The following RUFY1 variants were observed in gnomAD, a reference collection of about 807,000 sequenced individuals.
RUFY1 encodes RUN and FYVE domain containing 1.
Under a neutral mutation model 94.6 loss-of-function variants are expected in RUFY1, and 54 were observed. The observed-to-expected ratio is 0.57, with a 90% confidence interval of 0.46 to 0.72. The LOEUF is 0.72. Among genes scored for constraint, RUFY1 ranks in the 30% least tolerant of loss-of-function variants. RUFY1 has a pLI of 0.00. For synonymous variants in RUFY1, 396 were observed against 347.3 expected (o/e 1.14, Z -1.56); for missense variants, 883 against 883.9 (o/e 1.00, Z 0.01).
chr5:179,601,471 CT>C (rs1766381810), intron 14 of RUFY1, among the ~76,000 whole-genome samples: 1 of 151,860 alleles, frequency 6.6e-6, no homozygotes, highest in Non-Finnish European at 1.5e-5. Context: ...GCCTGGCCAC[CT>C]TTTGCTCTTG....
At chr5:179,605,278 CA>C (rs35410796) in intron 15 of RUFY1, among the ~76,000 whole-genome samples, 2,604 of 130,592 alleles carry the variant, frequency 0.02, 48 homozygotes, top group African/African-American at 0.05. Flanking sequence ...GATCCTGTCT[CA>C]AAAAAAAAAA....
At chr5:179,607,524 A>G in intron 16 of RUFY1, 58 bp from the exon 17 acceptor site, 2 of 1,422,726 alleles carry the variant, frequency 1.4e-6, no homozygotes, top group Non-Finnish European at 2.0e-6. Context: ...GAACGCAGCT[A>G]CCCACTCATC....
chr5:179,561,678 C>CTTTTTTTTTTT (rs71001004), intron 2 of RUFY1, among the ~76,000 whole-genome samples: 3 of 64,606 alleles, frequency 4.6e-5, no homozygotes, highest in Non-Finnish European at 2.8e-5. Context: ...TTTTTTCTTT[C>CTTTTTTTTTTT]TTTTTTTTTT....
Position 179,609,552 on chromosome 5 carries a change from A to C in RUFY1, c.*33A>C. 6.4e-7 allele frequency: 1 copy of C among 1,561,768 alleles called. No homozygotes were observed. The highest frequency in any genetic ancestry group is 8.6e-7 in the Non-Finnish European group (1 of 1,157,540). On this transcript the variant is annotated 3_prime_UTR_variant, in exon 18 of 18. Transcript: ENST00000319449. ...TCCTCAGGAGCACAGCCTCACGGAC[A>C]GTGCCAAACCCTGTGGGTCTCCAGG... is the stretch of plus-strand genomic sequence containing the variant.
chr5:179,575,576 G>A (rs1456926815), intron 5 of RUFY1, among the ~76,000 whole-genome samples: 1 of 152,094 alleles, frequency 6.6e-6, no homozygotes, highest in East Asian at 1.9e-4. Flanking sequence ...CATTTCTACT[G>A]CATTTTACTC....
chr5:179,577,021 A>C lies in RUFY1; in HGVS notation c.829-54A>C, dbSNP rs1320134098. The C allele has an allele frequency of 9.1e-6, 11 of 1,208,678 alleles. No homozygotes were observed. In the Admixed American group the frequency reaches 1.9e-4, roughly 21 times the overall value. The allele number at this position is 1,208,678 out of a possible 1,614,324, so 74.9% of individuals were successfully genotyped here. A position where few individuals can be genotyped will look rare whatever the true frequency, so the allele number is the denominator to read the frequency against. ...AATACCTGAATTTCAAAGGTTGTAA[A>C]GTTTATGAAAAATAGGACATTTTAT... On this transcript the variant is annotated intron_variant, in intron 5 of 17. Coordinates refer to ENST00000319449, the MANE Select transcript of RUFY1 (RefSeq NM_025158.5).
intron 15 of RUFY1, 97 bp downstream of exon 15, chr5:179,602,083 G>C (rs1766492600): frequency 9.9e-7 from 1 of 1,007,036 alleles, no homozygotes; most frequent in Non-Finnish European, 1.5e-6. Context: ...GCGAACGGAG[G>C]GTGGGCCATT....
intron 7 of RUFY1, 41 bp downstream of exon 7, chr5:179,581,053 G>A (rs779278347): frequency 3.2e-6 from 4 of 1,245,108 alleles, no homozygotes; most frequent in African/African-American, 1.5e-5. Flanking sequence ...TTACATACTC[G>A]GTATCCTGTC....
Position 179,592,616 on chromosome 5 carries a change from C to T in RUFY1, c.1246-862C>T, listed in dbSNP as rs1765211933. 2.0e-5 allele frequency among the ~76,000 whole-genome samples: 3 copies of T among 152,194 alleles called. No individual in the cohort carries two copies. The South Asian group carries it at 6.2e-4, about 31-fold the overall frequency. On this transcript the variant is annotated intron_variant, in intron 10 of 17. Coordinates refer to ENST00000319449, the MANE Select transcript of RUFY1 (RefSeq NM_025158.5). ...TAACGGTTTCTTTGACAATACAATT[C>T]TCTCCGTCATAACCTCTGGCCTATT...
intron 1 of RUFY1, among the ~76,000 whole-genome samples, chr5:179,555,331 C>G (rs1194572692): frequency 3.3e-5 from 5 of 152,110 alleles, no homozygotes; most frequent in East Asian, 3.9e-4. Context: ...ACGATATTCT[C>G]TGTGTCATGT....
At chr5:179,567,852 C>T (rs569573148) in intron 4 of RUFY1, among the ~76,000 whole-genome samples, 85 of 151,910 alleles carry the variant, frequency 5.6e-4, no homozygotes, top group Non-Finnish European at 1.1e-3. Context: ...TGCAGTGAGC[C>T]GAGATCACGC....
intron 2 of RUFY1, among the ~76,000 whole-genome samples, chr5:179,561,039 T>C (rs1762414031): frequency 6.6e-6 from 1 of 151,782 alleles, no homozygotes; most frequent in African/African-American, 2.4e-5. Flanking sequence ...GGTGAAACCC[T>C]GCCTCTGCTA....
Position 179,559,559 on chromosome 5 carries a change from G to T in RUFY1, c.311-466G>T, listed in dbSNP as rs554620340. 21 of 617,560 alleles carry T rather than the reference G, an allele frequency of 3.4e-5. No homozygotes were observed. In the African/African-American group the frequency reaches 4.0e-4, roughly 12 times the overall value. The allele number at this position is 617,560 out of a possible 1,614,324, so 38.3% of individuals were successfully genotyped here. A position where few individuals can be genotyped will look rare whatever the true frequency, so the allele number is the denominator to read the frequency against. ...TCCGGGACAGAGGGTGCAAAATGGC[G>T]CCCACCAGCTCCGTAGGAGAGGCCT... On this transcript the variant is annotated intron_variant, in intron 1 of 17. Transcript: ENST00000319449.
chr5:179,606,110 G>T, intron 16 of RUFY1, 186 bp downstream of exon 16: 1 of 598,228 alleles, frequency 1.7e-6, no homozygotes, highest in Non-Finnish European at 3.0e-6. Context: ...GCTGACAGGT[G>T]GCCGAAGCTG....
At chr5:179,584,777 CAAA>C (rs375808253) in intron 7 of RUFY1, among the ~76,000 whole-genome samples, 19 of 136,934 alleles carry the variant, frequency 1.4e-4, no homozygotes, top group Non-Finnish European at 6.4e-5. Flanking sequence ...CAAAAAAAAA[CAAA>C]AAAAAGTAGT....
chr5:179,588,110 C>T (rs1288910679), intron 8 of RUFY1, among the ~76,000 whole-genome samples: 1 of 152,176 alleles, frequency 6.6e-6, no homozygotes, highest in Non-Finnish European at 1.5e-5. Flanking sequence ...CTGCTTCTTC[C>T]CTTCGGGCAA....
intron 10 of RUFY1, 26 bp from the exon 11 acceptor site, chr5:179,593,452 A>T (rs751777146): frequency 6.3e-7 from 1 of 1,579,608 alleles, no homozygotes; most frequent in Non-Finnish European, 8.7e-7. Flanking sequence ...TTTTAATAAC[A>T]TTTTCCTTGT....
intron 8 of RUFY1, 110 bp from the exon 9 acceptor site, chr5:179,589,436 C>A: frequency 1.4e-6 from 1 of 696,616 alleles, no homozygotes; most frequent in Non-Finnish European, 2.5e-6. Flanking sequence ...AATAAAATAT[C>A]AAACCTGTGA....
At position 179,586,379 on chromosome 5, in the gene RUFY1, G is replaced by C. The variant is rs1171372468; in HGVS notation, c.1026+514G>C. On this transcript the variant is annotated intron_variant, in intron 8 of 17. Coordinates refer to ENST00000319449, the MANE Select transcript of RUFY1 (RefSeq NM_025158.5). ...CAAAGGAGGGCTGAGCCGAGGAAGA[G>C]AGCTTGCTGCCAGCTGCCCGGCAGT... 1.1e-5 allele frequency: 5 copies of C among 456,776 alleles called. 1 individual carries two copies. Among genetic ancestry groups the C allele is most frequent in the South Asian group, 6.2e-5 (4 of 64,574 alleles). 28.3% of individuals were successfully genotyped at this position (456,776 alleles called of 1,614,324 possible).
Sources: gnomAD v4.1 joint callset for allele counts (sites outside exome capture counted in the v4.1 genomes callset) on GRCh38, gnomAD v4.1.1 for gene constraint, MANE v1.5 for transcripts, NCBI Gene and HGNC (gene_info 2026-07-23, HGNC 2026-07-21) for gene names.